The following MGAT4C variants were observed in gnomAD, a reference collection of about 807,000 sequenced individuals.
MGAT4C encodes the protein alpha-1,3-mannosyl-glycoprotein 4-beta-N-acetylglucosaminyltransferase C.
MGAT4C carries 19 observed loss-of-function variants against 40.1 expected under a neutral mutation model. The ratio of observed to expected loss-of-function variants is 0.47; its 90% confidence interval spans 0.33 to 0.70. The LOEUF is 0.70. Ranked by LOEUF, MGAT4C falls within the 30% of genes least tolerant of loss-of-function variation. MGAT4C has a pLI of 0.02. For missense variants in MGAT4C, 491 were observed against 563.2 expected (o/e 0.87, Z 1.30); for synonymous variants, 181 against 187.1 (o/e 0.97, Z 0.27).
At chr12:86,241,364 T>G (rs1264922986) in intron 1 of MGAT4C, among the ~76,000 whole-genome samples, 2 of 152,132 alleles carry the variant, frequency 1.3e-5, no homozygotes, top group African/African-American at 2.4e-5. Context: ...ACGACAATTT[T>G]CCAAGTATCT....
intron 4 of MGAT4C, among the ~76,000 whole-genome samples, chr12:86,324,878 T>C (rs1954489395): frequency 6.6e-6 from 1 of 152,148 alleles, no homozygotes; most frequent in Non-Finnish European, 1.5e-5. Flanking sequence ...TGACAATTGT[T>C]TGTTTTTCCC....
At chr12:86,700,095 A>AGAT (rs1193687604) in intron 2 of MGAT4C, among the ~76,000 whole-genome samples, 11 of 111,764 alleles carry the variant, frequency 9.8e-5, no homozygotes, top group Non-Finnish European at 1.8e-4. Flanking sequence ...GATAGATGAT[A>AGAT]GATAGATAGA....
chr12:86,707,021 C>T (rs1384752647), intron 2 of MGAT4C, among the ~76,000 whole-genome samples: 4 of 152,192 alleles, frequency 2.6e-5, no homozygotes, highest in Admixed American at 2.6e-4. Context: ...ACTTGCTCCT[C>T]CTTGCCTTCT....
At chr12:86,068,876 A>G (rs1222590549) in intron 1 of MGAT4C, among the ~76,000 whole-genome samples, 1 of 152,012 alleles carries the variant, frequency 6.6e-6, no homozygotes, top group Non-Finnish European at 1.5e-5. Flanking sequence ...CTTTGTTGCA[A>G]TCTTTGAAAG....
chr12:86,399,876 CGTAAGT>C (rs925892744), intron 3 of MGAT4C, among the ~76,000 whole-genome samples: 2 of 152,160 alleles, frequency 1.3e-5, no homozygotes, highest in African/African-American at 4.8e-5. Context: ...AACAGGTAAA[CGTAAGT>C]GTTTCTTTGT....
At chr12:86,130,431 G>T (rs1881009998) in intron 1 of MGAT4C, among the ~76,000 whole-genome samples, 1 of 151,944 alleles carries the variant, frequency 6.6e-6, no homozygotes. Context: ...ATTTTTTAGG[G>T]TAACTATATC....
intron 2 of MGAT4C, among the ~76,000 whole-genome samples, chr12:86,592,498 T>C (rs1013216591): frequency 6.6e-6 from 1 of 152,180 alleles, no homozygotes. Context: ...TATCATCAAA[T>C]TCCAAAGTCT....
chr12:86,566,185 A>G (rs937406423), intron 2 of MGAT4C, among the ~76,000 whole-genome samples: 1 of 152,070 alleles, frequency 6.6e-6, no homozygotes, highest in South Asian at 2.1e-4. Flanking sequence ...TGAAGGATAC[A>G]AAGTATTGAT....
At chr12:86,252,140 C>A (rs1162691596) in intron 1 of MGAT4C, among the ~76,000 whole-genome samples, 1 of 151,974 alleles carries the variant, frequency 6.6e-6, no homozygotes, top group East Asian at 1.9e-4. Flanking sequence ...TTATTAACCC[C>A]TGAAAAGGGC....
chr12:86,585,481 A>C (rs1960977940), intron 2 of MGAT4C, among the ~76,000 whole-genome samples: 1 of 151,492 alleles, frequency 6.6e-6, no homozygotes, highest in Non-Finnish European at 1.5e-5. Flanking sequence ...TTAATTAAAA[A>C]TGAAAAATTT....
chr12:86,701,480 C>G (rs1264410294), intron 2 of MGAT4C, among the ~76,000 whole-genome samples: 1 of 152,050 alleles, frequency 6.6e-6, no homozygotes, highest in Non-Finnish European at 1.5e-5. Flanking sequence ...AGACAGTAAA[C>G]TTTGAGAACA....
chr12:86,348,215 T>C (rs959841089), intron 3 of MGAT4C, among the ~76,000 whole-genome samples: 1 of 152,182 alleles, frequency 6.6e-6, no homozygotes, highest in Non-Finnish European at 1.5e-5. Flanking sequence ...GTGCTACTTC[T>C]AAAAGTTGCC....
At chr12:86,799,346 T>C (rs1952184774) in intron 1 of MGAT4C, among the ~76,000 whole-genome samples, 1 of 151,814 alleles carries the variant, frequency 6.6e-6, no homozygotes, top group African/African-American at 2.4e-5. Context: ...TGAAAACTGC[T>C]TTGAACATTA....
intron 2 of MGAT4C, among the ~76,000 whole-genome samples, chr12:86,605,548 C>T (rs191161451): frequency 3.3e-4 from 50 of 152,184 alleles, no homozygotes; most frequent in African/African-American, 1.0e-3. Context: ...AACTAACTCT[C>T]GATTTTCCAT....
At chr12:86,644,960 C>A (rs1963497107) in intron 2 of MGAT4C, among the ~76,000 whole-genome samples, 1 of 151,668 alleles carries the variant, frequency 6.6e-6, no homozygotes, top group Admixed American at 6.6e-5. Flanking sequence ...AACCACTGAG[C>A]AGACCCATTG....
rs190265094 is a variant in MGAT4C, at chr12:86,133,003, G to T, written c.-56-83280C>A. ...TCTCAGTTCAGAAACAAAGTGACTTGTTCTTTATATTACTCTCCTTGGGAG... is the reference window on the plus strand; with the variant it reads ...TCTCAGTTCAGAAACAAAGTGACTTTTTCTTTATATTACTCTCCTTGGGAG... On this transcript the variant is annotated intron_variant, in intron 1 of 4. Transcript: ENST00000611864. 2.2e-3 allele frequency among the ~76,000 whole-genome samples: 327 copies of T among 152,086 alleles called. 2 individuals carry two copies. The highest frequency in any genetic ancestry group is 7.6e-3 in the African/African-American group (315 of 41,496).
chr12:86,070,062 G>C (rs1894930772), intron 1 of MGAT4C, among the ~76,000 whole-genome samples: 1 of 151,620 alleles, frequency 6.6e-6, no homozygotes, highest in South Asian at 2.1e-4. Context: ...TGAATTATGA[G>C]GTCCCGATGT....
intron 2 of MGAT4C, among the ~76,000 whole-genome samples, chr12:86,622,842 G>A (rs376595341): frequency 2.6e-5 from 4 of 151,984 alleles, no homozygotes; most frequent in African/African-American, 9.7e-5. Context: ...ACAGGAATGA[G>A]AGAATTAGTA....
Position 86,212,028 on chromosome 12 carries a change from C to T in MGAT4C, c.-57+44211G>A, listed in dbSNP as rs534058076. 7.2e-5 allele frequency among the ~76,000 whole-genome samples: 11 copies of T among 152,148 alleles called. 1 individual carries two copies. The East Asian group carries it at 2.1e-3, about 29-fold the overall frequency. On this transcript the variant is annotated intron_variant, in intron 1 of 4. Coordinates refer to ENST00000611864, the MANE Select transcript of MGAT4C (RefSeq NM_001351288.2). ...AGAAAAGAAAAATATCTTATGCTAC[C>T]TCCTAACGTTTCTATCAAAGACAGA... is the stretch of plus-strand genomic sequence containing the variant.
Sources: allele counts gnomAD v4.1 joint callset (sites outside exome capture counted in the v4.1 genomes callset), GRCh38; gene constraint gnomAD v4.1.1; transcripts MANE v1.5; gene names NCBI Gene and HGNC (gene_info 2026-07-23, HGNC 2026-07-21).